Variants in RPLP1 observed in about 807,000 individuals in gnomAD.
The protein encoded by RPLP1 is large ribosomal subunit protein P1.
Under a neutral mutation model 11.6 loss-of-function variants are expected in RPLP1, and 4 were observed. That is an observed-to-expected ratio of 0.34 (90% CI 0.17 to 0.79). The LOEUF (loss-of-function observed/expected upper bound fraction) is 0.79. Among genes scored for constraint, RPLP1 ranks in the 30% least tolerant of loss-of-function variants. The pLI is 0.55. For missense variants in RPLP1, 133 were observed against 142.8 expected (o/e 0.93, Z 0.35); for synonymous variants, 54 against 52.2 (o/e 1.03, Z -0.15).
In RPLP1 at chr15:69,453,315, C is replaced by T. The variant is rs897571170; in HGVS notation, c.72+295C>T. On this transcript the variant is annotated intron_variant, in intron 1 of 3. Coordinates refer to ENST00000260379, the MANE Select transcript of RPLP1 (RefSeq NM_001003.3). ...TCCGCAGTGCTTGGGCACCCTGACCCGTGCCTCGTCTCTCTCAGGGACACT... is the reference window on the plus strand; with the variant it reads ...TCCGCAGTGCTTGGGCACCCTGACCTGTGCCTCGTCTCTCTCAGGGACACT... 2.2e-4 allele frequency: 124 copies of T among 574,546 alleles called. 3 individuals carry two copies. In the Middle Eastern group the frequency reaches 2.7e-3, roughly 13 times the overall value. The allele number at this position is 574,546 out of a possible 1,614,324, so 35.6% of individuals were successfully genotyped here. A position where few individuals can be genotyped will look rare whatever the true frequency, so the allele number is the denominator to read the frequency against.
intron 1 of RPLP1, 90 bp from the exon 2 acceptor site, chr15:69,453,557 A>T: frequency 7.3e-7 from 1 of 1,373,902 alleles, no homozygotes; most frequent in Non-Finnish European, 1.0e-6. Context: ...CTGGTTAAAC[A>T]TGTTATGTAC....
Position 69,453,719 on chromosome 15 carries a change from A to T in RPLP1, c.145A>T (p.Lys49Ter). The change falls in exon 2 of 4, where the codon AAG (lysine) becomes TAG (stop). Residue 49 changes from lysine to a stop codon, truncating the protein, a stop_gained and splice_region_variant. Coordinates refer to ENST00000260379, the MANE Select transcript of RPLP1 (RefSeq NM_001003.3). LOFTEE classifies it high-confidence loss of function. ...VEPFWPGLFAKALANVNIGSL... is the reference protein window; with the variant it reads ...VEPFWPGLFA ...GCCTTTTTGGCCTGGCTTGTTTGCA[A>T]AGGTAAGGTGATGGTGGCAAAGTGA... The T allele has an allele frequency of 1.2e-6, 2 of 1,614,140 alleles. No homozygotes were observed. Among genetic ancestry groups the T allele is most frequent in the African/African-American group, 1.3e-5 (1 of 75,028 alleles).
chr15:69,453,161 G>A (rs1042065792), intron 1 of RPLP1, 141 bp downstream of exon 1: 4 of 767,254 alleles, frequency 5.2e-6, no homozygotes, highest in South Asian at 1.7e-5. Context: ...TAGGGCGGGC[G>A]CTCCTCGGGG....
rs562950236 is a variant in RPLP1, at chr15:69,455,465, C to T, written c.303C>T (p.Ser101=). ...EKKVEAKKEE[S]EESDDDMGFG... ...AAGTGGAAGCAAAGAAAGAAGAATC[C>T]GAGGAGTCTGATGATGACATGGGCT... is the stretch of plus-strand genomic sequence containing the variant. Residue 101 remains serine (S), a synonymous_variant, in exon 4 of 4, where the codon TCC becomes TCT. Coordinates refer to ENST00000260379, the MANE Select transcript of RPLP1 (RefSeq NM_001003.3). The T allele has an allele frequency of 2.6e-5, 42 of 1,610,980 alleles. No individual in the cohort carries two copies. Among genetic ancestry groups the T allele is most frequent in the East Asian group, 1.1e-4 (5 of 44,872 alleles).
In RPLP1 at chr15:69,452,856, C is replaced by A. The variant is rs550855075; in HGVS notation, c.-93C>A. On this transcript the variant is annotated 5_prime_UTR_variant, in exon 1 of 4. Coordinates refer to ENST00000260379, the MANE Select transcript of RPLP1 (RefSeq NM_001003.3). ...CTGCCGCCAAGGTGCTCGGTCCTTC[C>A]GAGGAAGCTAAGGCTGCGTTGGGGT... 2 of 1,217,260 alleles carry A rather than the reference C, an allele frequency of 1.6e-6. No individual in the cohort carries two copies. The highest frequency in any genetic ancestry group is 2.3e-6 in the Non-Finnish European group (2 of 855,192). 75.4% of individuals were successfully genotyped at this position (1,217,260 alleles called of 1,614,324 possible).
chr15:69,453,910 C>G, intron 2 of RPLP1, 189 bp downstream of exon 2: 1 of 598,448 alleles, frequency 1.7e-6, no homozygotes, highest in East Asian at 2.8e-5. Context: ...GTTTCCTTAT[C>G]AGACTCTGGT....
chr15:69,454,592 CAT>C (rs1892406667), intron 2 of RPLP1: 1 of 152,196 alleles, frequency 6.6e-6, no homozygotes, highest in African/African-American at 2.4e-5. Context: ...GTACCTATGT[CAT>C]ATTTAACAAG....
chr15:69,453,258 C>G (rs912758238), intron 1 of RPLP1: 14 of 584,146 alleles, frequency 2.4e-5, no homozygotes, highest in Non-Finnish European at 4.2e-5. Flanking sequence ...CTGGGCGCTC[C>G]GGCTCCAAGA....
At position 69,453,883 on chromosome 15, in the gene RPLP1, A is replaced by G. The variant is rs79243634; in HGVS notation, c.147+162A>G. The G allele has an allele frequency of 7.7e-6, 5 of 651,246 alleles. No homozygotes were observed. In the Admixed American group the frequency reaches 1.1e-4, roughly 15 times the overall value. 40.3% of individuals were successfully genotyped at this position (651,246 alleles called of 1,614,324 possible). ...TATCTCTAGGAGCTAATAAGATTTC[A>G]GCTTGTCAAGTCTTACGTTTCCTTA... On this transcript the variant is annotated intron_variant, in intron 2 of 3. Coordinates refer to ENST00000260379, the MANE Select transcript of RPLP1 (RefSeq NM_001003.3).
At position 69,455,563 on chromosome 15, in the gene RPLP1, C is replaced by G. The variant is rs768035130; in HGVS notation, c.*56C>G. ...TGAACTTTACTGCTGTTGGTCTTGT[C>G]CATAGTTTTGGAATGTGCTCTGCAA... On this transcript the variant is annotated 3_prime_UTR_variant, in exon 4 of 4. Transcript: ENST00000260379. The G allele has an allele frequency of 1.6e-5, 22 of 1,356,318 alleles. No homozygotes were observed. Among genetic ancestry groups the G allele is most frequent in the Non-Finnish European group, 2.0e-5 (20 of 980,428 alleles). 84.0% of individuals were successfully genotyped at this position (1,356,318 alleles called of 1,614,324 possible). A position where few individuals can be genotyped will look rare whatever the true frequency, so the allele number is the denominator to read the frequency against.
At chr15:69,455,017 C>A in intron 2 of RPLP1, 153 bp from the exon 3 acceptor site, 1 of 1,123,878 alleles carries the variant, frequency 8.9e-7, no homozygotes, top group Non-Finnish European at 1.2e-6. Context: ...CTTATTTTTC[C>A]ACTGTTGAAT....
Position 69,453,002 on chromosome 15 carries a change from C to G in RPLP1, c.54C>G (p.Asp18Glu). 1.9e-6 allele frequency: 3 copies of G among 1,574,622 alleles called. No individual in the cohort carries two copies. The highest frequency in any genetic ancestry group is 2.4e-5 in the East Asian group (1 of 42,030). ...ACIYSALILHDDEVTVTEDKI... is the reference protein window; with the variant it reads ...ACIYSALILHEDEVTVTEDKI... Reference sequence around the variant, plus strand: ...TCTACTCGGCCCTCATTCTGCACGACGATGAGGTGACAGTCACGGTGAGTG... The same window carrying G: ...TCTACTCGGCCCTCATTCTGCACGAGGATGAGGTGACAGTCACGGTGAGTG... Residue 18 changes from aspartate (D) to glutamate (E), a missense_variant, in exon 1 of 4, where the codon GAC becomes GAG. By Grantham distance (45) the Asp-to-Glu change is conservative. Transcript: ENST00000260379.
intron 2 of RPLP1, 106 bp from the exon 3 acceptor site, chr15:69,455,064 G>T: frequency 2.0e-6 from 3 of 1,469,396 alleles, no homozygotes; most frequent in Non-Finnish European, 2.7e-6. Flanking sequence ...AGTGTTAGGG[G>T]TTGATCACTG....
rs1396848785 is a variant in RPLP1, at chr15:69,453,320, C to G, written c.72+300C>G. On this transcript the variant is annotated intron_variant, in intron 1 of 3. Coordinates refer to ENST00000260379, the MANE Select transcript of RPLP1 (RefSeq NM_001003.3). ...AGTGCTTGGGCACCCTGACCCGTGC[C>G]TCGTCTCTCTCAGGGACACTTACTC... is the stretch of plus-strand genomic sequence containing the variant. 4 of 574,522 alleles carry G rather than the reference C, an allele frequency of 7.0e-6. No individual in the cohort carries two copies. The Admixed American group carries it at 1.3e-4, about 18-fold the overall frequency. 35.6% of individuals were successfully genotyped at this position (574,522 alleles called of 1,614,324 possible). A position where few individuals can be genotyped will look rare whatever the true frequency, so the allele number is the denominator to read the frequency against.
chr15:69,453,557 A>G, intron 1 of RPLP1, 90 bp from the exon 2 acceptor site: 1 of 1,373,902 alleles, frequency 7.3e-7, no homozygotes, highest in Non-Finnish European at 1.0e-6. Flanking sequence ...CTGGTTAAAC[A>G]TGTTATGTAC....
chr15:69,453,183 C>T (rs1892377444), intron 1 of RPLP1, 163 bp downstream of exon 1: 5 of 674,742 alleles, frequency 7.4e-6, no homozygotes, highest in Non-Finnish European at 1.0e-5. Flanking sequence ...TGGGGCCTCT[C>T]TCCGGGCAGG....
In RPLP1 at chr15:69,452,891, A is replaced by G. The variant is rs981133401; in HGVS notation, c.-58A>G. On this transcript the variant is annotated 5_prime_UTR_variant, in exon 1 of 4. Transcript: ENST00000260379. The stretch of plus-strand genomic sequence containing the variant: ...AAGGCTGCGTTGGGGTGAGGCCCTC[A>G]CTTCATCCGGCGACTAGCACCGCGT... 4.7e-6 allele frequency: 7 copies of G among 1,486,484 alleles called. No individual in the cohort carries two copies. The South Asian group carries it at 8.4e-5, about 18-fold the overall frequency. 92.1% of individuals were successfully genotyped at this position (1,486,484 alleles called of 1,614,324 possible).
rs774333571 is a variant in RPLP1, at chr15:69,453,052, G to A, written c.72+32G>A. The A allele has an allele frequency of 1.9e-6, 3 of 1,539,892 alleles. No individual in the cohort carries two copies. The Admixed American group carries it at 5.9e-5, about 30-fold the overall frequency. On this transcript the variant is annotated intron_variant, in intron 1 of 3. Transcript: ENST00000260379. ...GCGGGCGCGGGCCGGCGGCCGGGCT[G>A]CCTGTGGGCGGTGACTTTCGGCTCT...
chr15:69,454,792 GT>G (rs1280523731), intron 2 of RPLP1: 1 of 156,518 alleles, frequency 6.4e-6, no homozygotes, highest in Non-Finnish European at 1.4e-5. Context: ...ATATAGGAAT[GT>G]AATTATCAGA....
Sources: gnomAD v4.1 joint callset for allele counts on GRCh38, gnomAD v4.1.1 for gene constraint, MANE v1.5 for transcripts, NCBI Gene and HGNC (gene_info 2026-07-23, HGNC 2026-07-21) for gene names.